MOB3A: variants seen among roughly 807,000 people sequenced by gnomAD.
MOB3A encodes the protein MOB LAK.
In MOB3A, 17 loss-of-function variants were observed where a neutral mutation model predicts 17.8. The ratio of observed to expected loss-of-function variants is 0.95; its 90% CI spans 0.65 to 1.43. The LOEUF is 1.43. Ranked by LOEUF, MOB3A falls within the 40% of genes most tolerant of loss-of-function variation. MOB3A has a pLI of 0.00. For synonymous variants in MOB3A, 124 were observed against 133.2 expected, an observed-to-expected ratio of 0.93 and a Z score of 0.48; for missense variants, 333 against 310.8, an observed-to-expected ratio of 1.07 and a Z score of -0.54.
chr19:2,085,018 C>A (rs1290709912), intron 2 of MOB3A, among the ~76,000 whole-genome samples, 157 bp downstream of exon 2: 2 of 152,268 alleles, frequency 1.3e-5, no homozygotes, highest in South Asian at 4.1e-4. Context: ...GCCACCATGT[C>A]CGGCCCGAGC....
chr19:2,086,287 A>ACTCG (rs1279003729), intron 1 of MOB3A, among the ~76,000 whole-genome samples: 22 of 151,872 alleles, frequency 1.4e-4, no homozygotes, highest in African/African-American at 5.3e-4. Context: ...TGATCTGCCC[A>ACTCG]CCTCGGCCTC....
chr19:2,079,492 G>C (rs2017459582), intron 2 of MOB3A, among the ~76,000 whole-genome samples: 1 of 152,218 alleles, frequency 6.6e-6, no homozygotes, highest in Admixed American at 6.5e-5. Flanking sequence ...GGCTGTGCGA[G>C]GATGCAGGCA....
chr19:2,080,222 C>T (rs996371227), intron 2 of MOB3A, among the ~76,000 whole-genome samples: 3 of 152,024 alleles, frequency 2.0e-5, no homozygotes, highest in South Asian at 4.1e-4. Context: ...CTGGGCAGGG[C>T]GGGGGTCCTC....
chr19:2,090,856 G>A (rs1201854536), intron 1 of MOB3A, among the ~76,000 whole-genome samples: 1 of 152,146 alleles, frequency 6.6e-6, no homozygotes, highest in East Asian at 1.9e-4. Flanking sequence ...TAGAGACGGG[G>A]TTTCACCGTG....
intron 3 of MOB3A, 23 bp from the exon 4 acceptor site, chr19:2,077,036 GGTCCACGGACTCAGCCAA>G (rs1193076319): frequency 1.2e-6 from 2 of 1,602,344 alleles, no homozygotes; most frequent in Non-Finnish European, 1.7e-6. Context: ...GGGTGGGACG[GGTCCACGGACTCAGCCAA>G]GTCCATGTCC....
chr19:2,077,991 C>G, intron 3 of MOB3A, 149 bp downstream of exon 3: 1 of 795,892 alleles, frequency 1.3e-6, no homozygotes, highest in East Asian at 2.9e-5. Flanking sequence ...TGCTATGTTG[C>G]CCAGGCTGAG....
intron 1 of MOB3A, among the ~76,000 whole-genome samples, chr19:2,088,086 G>A (rs1433596426): frequency 6.6e-6 from 1 of 152,144 alleles, no homozygotes; most frequent in Non-Finnish European, 1.5e-5. Context: ...TCTGCACCCC[G>A]GGGACTCATA....
intron 1 of MOB3A, among the ~76,000 whole-genome samples, chr19:2,094,001 G>A (rs149343053): frequency 2.8e-3 from 425 of 151,996 alleles, no homozygotes; most frequent in Middle Eastern, 6.8e-3. Flanking sequence ...CTGACAGCCC[G>A]GGGGGCTCAT....
intron 4 of MOB3A, among the ~76,000 whole-genome samples, chr19:2,073,784 A>G (rs2017369989): frequency 6.6e-6 from 1 of 152,102 alleles, no homozygotes; most frequent in African/African-American, 2.4e-5. Flanking sequence ...TAATCCCAGC[A>G]CTTTGGGAGG....
In MOB3A at chr19:2,074,658, T is replaced by G. The variant is rs182520268; in HGVS notation, c.625-1234A>C. Among the ~76,000 whole-genome samples the G allele has an allele frequency of 2.0e-3, 302 of 152,026 alleles. 1 individual carries two copies. The highest frequency in any genetic ancestry group is 6.5e-3 in the African/African-American group (268 of 41,466). On this transcript the variant is annotated intron_variant, in intron 4 of 4. Transcript: ENST00000357066. ...ACCTCCACCTCCTGGGTTCAAACGA[T>G]TCTCCTGCCTCAGCCTCCTGAGTAG... is the stretch of plus-strand genomic sequence containing the variant.
In MOB3A at chr19:2,093,551, T is replaced by C. The variant is rs1257141587; in HGVS notation, c.-274+2675A>G. The stretch of plus-strand genomic sequence containing the variant: ...TAGTAGAGATGGGGTTTTGCCATGT[T>C]GGCCAGGCTGGTCTTGAATGCCTGA... On this transcript the variant is annotated intron_variant, in intron 1 of 4. Transcript: ENST00000357066. This position sits in a 1 kb window ranked among gnomAD's most constrained non-coding sequence, Gnocchi z 4.6. Among the ~76,000 whole-genome samples the C allele has an allele frequency of 6.6e-6, 1 of 152,162 alleles. No individual in the cohort carries two copies. The highest frequency in any genetic ancestry group is 2.4e-5 in the African/African-American group (1 of 41,434).
intron 2 of MOB3A, among the ~76,000 whole-genome samples, chr19:2,084,624 T>C (rs1599408559): frequency 6.6e-6 from 1 of 151,752 alleles, no homozygotes. Flanking sequence ...AGGATCTTAC[T>C]CTGTCGCCCA....
rs185503935 is a variant in MOB3A, at chr19:2,073,496, C to T, written c.625-72G>A. 3.8e-6 allele frequency: 6 copies of T among 1,599,582 alleles called. No homozygotes were observed. The Admixed American group carries it at 5.0e-5, about 13-fold the overall frequency. On this transcript the variant is annotated intron_variant, in intron 4 of 4. Coordinates refer to ENST00000357066, the MANE Select transcript of MOB3A (RefSeq NM_130807.3). The stretch of plus-strand genomic sequence containing the variant: ...AGGGGTGATGCGAACAGCAGACACA[C>T]GGAGACGCACAGGCAGAGAAACGGC...
At chr19:2,083,510 A>C (rs76863552) in intron 2 of MOB3A, among the ~76,000 whole-genome samples, 1 of 152,304 alleles carries the variant, frequency 6.6e-6, no homozygotes, top group Non-Finnish European at 1.5e-5. Context: ...ATGCTCCTCC[A>C]CGCTGGGAAT....
intron 4 of MOB3A, among the ~76,000 whole-genome samples, chr19:2,074,788 G>A (rs1368842475): frequency 6.6e-6 from 1 of 151,956 alleles, no homozygotes; most frequent in Non-Finnish European, 1.5e-5. Flanking sequence ...CGCGATCTCA[G>A]CTCACTGCAA....
intron 2 of MOB3A, among the ~76,000 whole-genome samples, chr19:2,083,717 C>T (rs2017518228): frequency 6.6e-6 from 1 of 152,218 alleles, no homozygotes; most frequent in Non-Finnish European, 1.5e-5. Context: ...CAGCACAGAG[C>T]AAAACCCAAC....
At chr19:2,074,170 T>C (rs2017374783) in intron 4 of MOB3A, among the ~76,000 whole-genome samples, 1 of 152,174 alleles carries the variant, frequency 6.6e-6, no homozygotes, top group South Asian at 2.1e-4. Context: ...GGCACATGCC[T>C]GTAGTCCCAG....
At chr19:2,077,960 T>G (rs368742810) in intron 3 of MOB3A, among the ~76,000 whole-genome samples, 180 bp downstream of exon 3, 29 of 152,146 alleles carry the variant, frequency 1.9e-4, no homozygotes, top group African/African-American at 6.7e-4. Context: ...ATTTTTAAAA[T>G]TTTTTGTAGA....
At chr19:2,078,081 G>A in intron 3 of MOB3A, 59 bp downstream of exon 3, 1 of 1,476,226 alleles carries the variant, frequency 6.8e-7, no homozygotes, top group Non-Finnish European at 9.0e-7. Flanking sequence ...ACTGTGCTCG[G>A]CCTCCCTGAC....
Sources: allele counts gnomAD v4.1 joint callset (sites outside exome capture counted in the v4.1 genomes callset), GRCh38; gene constraint gnomAD v4.1.1; non-coding constraint Gnocchi (gnomAD v3.1); transcripts MANE v1.5; gene names NCBI Gene and HGNC (gene_info 2026-07-23, HGNC 2026-07-21).